Variants in SYNE2 observed in about 807,000 individuals in gnomAD.
SYNE2 encodes nesprin-2.
Under a neutral mutation model 856.3 loss-of-function variants are expected in SYNE2, and 431 were observed. That is an observed-to-expected ratio of 0.50 (90% confidence interval 0.47 to 0.55). SYNE2 has a LOEUF of 0.55. SYNE2 is among the 20% of genes least tolerant of loss of function. The pLI is 0.00. For missense variants in SYNE2, 8,129 were observed against 8,023.2 expected (o/e 1.01, Z -0.50); for synonymous variants, 2,923 against 2,872.3 (o/e 1.02, Z -0.56).
chr14:64,155,034 T>C (rs1221449082), intron 85 of SYNE2, among the ~76,000 whole-genome samples: 3 of 152,274 alleles, frequency 2.0e-5, no homozygotes, highest in African/African-American at 7.2e-5. Flanking sequence ...CTGGCCGGGT[T>C]CCATGGAGTT....
chr14:63,824,902 G>C (rs1889362607), intron 1 of SYNE2, among the ~76,000 whole-genome samples: 1 of 152,010 alleles, frequency 6.6e-6, no homozygotes, highest in Non-Finnish European at 1.5e-5. Context: ...GGGAGGCCAA[G>C]GTGGGCGGAT....
intron 6 of SYNE2, among the ~76,000 whole-genome samples, chr14:63,944,506 T>C (rs1366965987): frequency 6.7e-6 from 1 of 149,726 alleles, no homozygotes; most frequent in Non-Finnish European, 1.5e-5. Context: ...GTTTGCAAAC[T>C]TAAAGCCTTT....
chr14:63,815,401 C>T (rs1888938923), intron 1 of SYNE2, among the ~76,000 whole-genome samples: 1 of 151,726 alleles, frequency 6.6e-6, no homozygotes, highest in African/African-American at 2.4e-5. Context: ...AAGCATCCAG[C>T]ATGAAAGAAA....
chr14:64,160,253 T>C (rs923354493), intron 87 of SYNE2, among the ~76,000 whole-genome samples: 1 of 152,188 alleles, frequency 6.6e-6, no homozygotes, highest in African/African-American at 2.4e-5. Context: ...TCAAAACGTA[T>C]GGCAGGGCAG....
At chr14:64,176,777 A>ATTTT (rs1377092092) in intron 95 of SYNE2, among the ~76,000 whole-genome samples, 11 of 148,836 alleles carry the variant, frequency 7.4e-5, no homozygotes, top group African/African-American at 1.7e-4. Flanking sequence ...GAACTTTTTT[A>ATTTT]TTTTTATTTA....
At chr14:63,804,492 C>T (rs953640759) in intron 1 of SYNE2, among the ~76,000 whole-genome samples, 1 of 151,768 alleles carries the variant, frequency 6.6e-6, no homozygotes, top group East Asian at 1.9e-4. Flanking sequence ...CTTTTCTTTT[C>T]CTTTCTTTTC....
chr14:64,007,809 G>A (rs1349529761), intron 31 of SYNE2, among the ~76,000 whole-genome samples: 5 of 152,084 alleles, frequency 3.3e-5, no homozygotes, highest in African/African-American at 9.7e-5. Flanking sequence ...TCAGGAGTTC[G>A]AGACCAGCCT....
At position 63,983,723 on chromosome 14, in the gene SYNE2, AT is replaced by A; in HGVS notation, c.2002-12del. The A allele has an allele frequency of 1.2e-6, 2 of 1,606,494 alleles. No homozygotes were observed. Among genetic ancestry groups the A allele is most frequent in the Non-Finnish European group, 1.7e-6 (2 of 1,173,882 alleles). ...AAATATGAGTATTACATTTCATGAA[AT>A]TATTTTGTATAGGAAATGAACCTGC... On this transcript the variant is annotated splice_polypyrimidine_tract_variant and intron_variant, in intron 17 of 115. Coordinates refer to ENST00000555002, the MANE Select transcript of SYNE2 (RefSeq NM_182914.3).
intron 115 of SYNE2, 67 bp downstream of exon 115, chr14:64,225,112 CA>C: frequency 6.3e-7 from 1 of 1,587,246 alleles, no homozygotes; most frequent in African/African-American, 1.3e-5. Flanking sequence ...TCAGTCTTGC[CA>C]ATGCCACTAT....
At chr14:64,042,669 A>G (rs2097157656) in intron 45 of SYNE2, among the ~76,000 whole-genome samples, 1 of 152,184 alleles carries the variant, frequency 6.6e-6, no homozygotes, top group Non-Finnish European at 1.5e-5. Flanking sequence ...GCCTGCTGCC[A>G]TCCACCTAAG....
Position 64,052,978 on chromosome 14 carries a change from C to T in SYNE2, c.9065C>T (p.Thr3022Ile), listed in dbSNP as rs1425303323. The change falls in exon 48 of 116, where the codon ACC becomes ATC. Residue 3022 changes from threonine to isoleucine, a missense_variant. Physicochemically the swap from Thr to Ile is moderately conservative, Grantham distance 89. This residue lies in a region of SYNE2 where 5,410 missense variants were observed against 5,284.8 expected (regional missense o/e 1.02). Coordinates refer to ENST00000555002, the MANE Select transcript of SYNE2 (RefSeq NM_182914.3). Reference protein sequence around the residue: ...WDFSQLDQLQTQVFEKEKELE... With the variant: ...WDFSQLDQLQIQVFEKEKELE... ...TTTTCACAACTTGACCAATTACAAA[C>T]CCAAGTATTTGAAAAAGAAAAGGAA... 1 of 1,610,268 alleles carries T rather than the reference C, an allele frequency of 6.2e-7. No individual in the cohort carries two copies. The highest frequency in any genetic ancestry group is 1.3e-5 in the African/African-American group (1 of 74,524).
chr14:64,170,137 T>C (rs905534070), intron 93 of SYNE2, 91 bp from the exon 94 acceptor site: 13 of 1,251,490 alleles, frequency 1.0e-5, no homozygotes, highest in Admixed American at 3.8e-5. Context: ...ATTGTACTTA[T>C]AAAAACTGAA....
chr14:64,024,634 A>T (rs572146239), intron 39 of SYNE2, among the ~76,000 whole-genome samples, 175 bp downstream of exon 39: 2 of 152,198 alleles, frequency 1.3e-5, no homozygotes, highest in Non-Finnish European at 2.9e-5. Context: ...AAAAATCTTC[A>T]CATTGTCTAA....
intron 1 of SYNE2, among the ~76,000 whole-genome samples, chr14:63,895,062 T>C (rs2095222681): frequency 1.3e-5 from 2 of 152,186 alleles, no homozygotes; most frequent in Admixed American, 1.3e-4. Flanking sequence ...TGAGAAATAT[T>C]AAGATAATCT....
chr14:64,051,606 G>A lies in SYNE2; in HGVS notation c.7693G>A (p.Ala2565Thr). The A allele has an allele frequency of 6.2e-7, 1 of 1,613,678 alleles. No homozygotes were observed. The highest frequency in any genetic ancestry group is 8.5e-7 in the Non-Finnish European group (1 of 1,179,894). The change falls in exon 48 of 116, where the codon GCA (alanine) becomes ACA (threonine). Residue 2565 changes from alanine (A) to threonine (T), a missense_variant. Coordinates refer to ENST00000555002, the MANE Select transcript of SYNE2 (RefSeq NM_182914.3). Reference protein sequence around the residue: ...TYLDKIKKFIASIEKEKDSLG... With the variant: ...TYLDKIKKFITSIEKEKDSLG... ...TCTGGACAAAATTAAAAAATTCATA[G>A]CATCCATAGAAAAAGAGAAAGATTC...
At chr14:64,207,681 T>G (rs1484158318) in intron 100 of SYNE2, among the ~76,000 whole-genome samples, 1 of 151,562 alleles carries the variant, frequency 6.6e-6, no homozygotes, top group East Asian at 1.9e-4. Flanking sequence ...CAGCTACCAT[T>G]TATAGTACAG....
intron 97 of SYNE2, among the ~76,000 whole-genome samples, chr14:64,186,810 A>G (rs553716915): frequency 6.6e-6 from 1 of 152,344 alleles, no homozygotes; most frequent in African/African-American, 2.4e-5. Context: ...GAGCTTTTTT[A>G]AAAAGTCACT....
intron 45 of SYNE2, among the ~76,000 whole-genome samples, chr14:64,042,672 C>T (rs899189939): frequency 6.6e-6 from 1 of 152,162 alleles, no homozygotes; most frequent in Non-Finnish European, 1.5e-5. Flanking sequence ...TGCTGCCATC[C>T]ACCTAAGATG....
chr14:63,963,254 A>G (rs1227377859), intron 9 of SYNE2, among the ~76,000 whole-genome samples: 1 of 152,244 alleles, frequency 6.6e-6, no homozygotes, highest in Non-Finnish European at 1.5e-5. Context: ...AAAAAATAAA[A>G]TGAAAGATTC....
Sources: allele counts gnomAD v4.1 joint callset (sites outside exome capture counted in the v4.1 genomes callset), GRCh38; gene constraint gnomAD v4.1.1; regional missense constraint gnomAD v4.1.1; transcripts MANE v1.5; gene names NCBI Gene and HGNC (gene_info 2026-07-23, HGNC 2026-07-21).